The following SDK1 variants were observed in gnomAD, a reference collection of about 807,000 sequenced individuals.
The protein encoded by SDK1 is protein sidekick-1.
A neutral mutation model predicts 245.5 loss-of-function variants in SDK1; 157 were observed. The ratio of observed to expected loss-of-function variants is 0.64; its 90% CI spans 0.56 to 0.73. The LOEUF is 0.73. SDK1 is among the 30% of genes least tolerant of loss of function. SDK1 has a pLI of 0.00. For missense variants in SDK1, 3,583 were observed against 3,002.3 expected (o/e 1.19, Z -4.52); for synonymous variants, 1,647 against 1,278.5 (o/e 1.29, Z -6.15).
intron 4 of SDK1, among the ~76,000 whole-genome samples, chr7:3,731,753 A>G (rs1779183995): frequency 1.3e-5 from 2 of 152,154 alleles, no homozygotes; most frequent in Admixed American, 1.3e-4. Context: ...GGAGAAAAAA[A>G]TTCTCCATGG....
intron 1 of SDK1, among the ~76,000 whole-genome samples, chr7:3,513,847 G>C (rs903506322): frequency 5.9e-5 from 9 of 152,044 alleles, no homozygotes; most frequent in African/African-American, 2.2e-4. Context: ...TGTGTACTCA[G>C]TATCTAGCTC....
rs542086372 is a variant in SDK1, at chr7:3,440,828, G to C, written c.298+138944G>C. Among the ~76,000 whole-genome samples the C allele has an allele frequency of 9.8e-5, 15 of 152,286 alleles. No homozygotes were observed. The South Asian group carries it at 1.2e-3, about 13-fold the overall frequency. The stretch of plus-strand genomic sequence containing the variant: ...GTTATGGCCACAATGTGTATTAAGT[G>C]CTTAGTTAAGGTGGAAAGGTAAATT... On this transcript the variant is annotated intron_variant, in intron 1 of 44. Coordinates refer to ENST00000404826, the MANE Select transcript of SDK1 (RefSeq NM_152744.4).
intron 1 of SDK1, among the ~76,000 whole-genome samples, chr7:3,504,180 A>ATGTGTG (rs1338465819): frequency 4.7e-3 from 423 of 89,472 alleles, no homozygotes; most frequent in Middle Eastern, 0.023. Context: ...ATATATATAT[A>ATGTGTG]TATGTGTGTG....
chr7:3,768,464 A>G (rs1180791449), intron 4 of SDK1, among the ~76,000 whole-genome samples: 2 of 152,248 alleles, frequency 1.3e-5, no homozygotes, highest in Non-Finnish European at 2.9e-5. Context: ...CATTAAATAG[A>G]CAAGTCTTTA....
chr7:4,038,964 C>G (rs1788406235), intron 17 of SDK1, among the ~76,000 whole-genome samples: 1 of 152,134 alleles, frequency 6.6e-6, no homozygotes, highest in African/African-American at 2.4e-5. Context: ...AATTTGAGAT[C>G]ATTTTCATTA....
chr7:3,784,803 A>C lies in SDK1; in HGVS notation c.714-36647A>C, dbSNP rs1216723243. Among the ~76,000 whole-genome samples, 7 of 152,048 alleles carry C rather than the reference A, an allele frequency of 4.6e-5. No homozygotes were observed. The East Asian group carries it at 1.2e-3, about 25-fold the overall frequency. ...GTGGAAAACTATGTGGAGATTCCTC[A>C]AAAAAAATGAGAAATAGAACTGCCA... On this transcript the variant is annotated intron_variant, in intron 4 of 44. Transcript: ENST00000404826.
intron 25 of SDK1, among the ~76,000 whole-genome samples, chr7:4,119,827 T>TA (rs1562838729): frequency 6.7e-6 from 1 of 148,678 alleles, no homozygotes; most frequent in Non-Finnish European, 1.5e-5. Flanking sequence ...TGACCAGTTT[T>TA]AAAAAAAGAG....
At chr7:3,985,099 C>T (rs1583729452) in intron 13 of SDK1, among the ~76,000 whole-genome samples, 1 of 152,196 alleles carries the variant, frequency 6.6e-6, no homozygotes, top group Admixed American at 6.5e-5. Context: ...CTCTTATCCC[C>T]ATGACTGGCC....
At chr7:3,316,816 G>T (rs1423517591) in intron 1 of SDK1, among the ~76,000 whole-genome samples, 1 of 152,042 alleles carries the variant, frequency 6.6e-6, no homozygotes, top group South Asian at 2.1e-4. Flanking sequence ...GTTTTCAATT[G>T]TATCCCCCTT....
rs536538842 is a variant in SDK1 at position 3,555,794 on chromosome 7, C to T, written c.299-63286C>T. Among the ~76,000 whole-genome samples the T allele has an allele frequency of 7.0e-4, 106 of 152,182 alleles. 3 individuals are homozygous for T. In the South Asian group the frequency reaches 0.022, roughly 31 times the overall value. On this transcript the variant is annotated intron_variant, in intron 1 of 44. Transcript: ENST00000404826. ...TAGATATTTTGCAAAAGAAGACATA[C>T]AAATGGCAAACAGGTGTATTAAACG...
At chr7:4,130,408 C>T (rs1371856718) in intron 27 of SDK1, 3 of 365,006 alleles carry the variant, frequency 8.2e-6, no homozygotes, top group Admixed American at 8.9e-5. Flanking sequence ...TGTGGACGCT[C>T]CTCTTGGCAG....
At chr7:3,653,807 G>C (rs1017562457) in intron 4 of SDK1, among the ~76,000 whole-genome samples, 1 of 152,090 alleles carries the variant, frequency 6.6e-6, no homozygotes, top group Non-Finnish European at 1.5e-5. Context: ...TTGGCTGCAG[G>C]ACCTTGCAGC....
At chr7:4,135,568 C>T (rs937480645) in intron 28 of SDK1, among the ~76,000 whole-genome samples, 1 of 152,208 alleles carries the variant, frequency 6.6e-6, no homozygotes, top group African/African-American at 2.4e-5. Flanking sequence ...CACTGCATCA[C>T]GGACAAGTAG....
chr7:3,624,912 G>A (rs1220603165), intron 2 of SDK1, among the ~76,000 whole-genome samples: 2 of 151,948 alleles, frequency 1.3e-5, no homozygotes, highest in African/African-American at 4.8e-5. Flanking sequence ...GGTTGTCGTG[G>A]TGCATGCCTG....
chr7:4,206,838 G>C (rs957924626), intron 36 of SDK1, among the ~76,000 whole-genome samples: 1 of 152,150 alleles, frequency 6.6e-6, no homozygotes, highest in Non-Finnish European at 1.5e-5. Flanking sequence ...CTCCCCTAAT[G>C]ACTATTGGAC....
At chr7:3,406,743 G>C (rs1471007568) in intron 1 of SDK1, among the ~76,000 whole-genome samples, 1 of 152,094 alleles carries the variant, frequency 6.6e-6, no homozygotes, top group African/African-American at 2.4e-5. Context: ...GCTGGAGAAA[G>C]CATGCACAAT....
Position 3,477,247 on chromosome 7 carries a change from G to C in SDK1, c.299-141833G>C, listed in dbSNP as rs780429217. Reference sequence around the variant, plus strand: ...GTCTTGCTCTGTCGCTCAGGCTGGAGTGCAGCGGCGCGATCTTGGCTCAGT... The same window carrying C: ...GTCTTGCTCTGTCGCTCAGGCTGGACTGCAGCGGCGCGATCTTGGCTCAGT... On this transcript the variant is annotated intron_variant, in intron 1 of 44. Coordinates refer to ENST00000404826, the MANE Select transcript of SDK1 (RefSeq NM_152744.4). Among the ~76,000 whole-genome samples, 74 of 136,434 alleles carry C rather than the reference G, an allele frequency of 5.4e-4. 1 individual carries two copies. The highest frequency in any genetic ancestry group is 9.6e-4 in the Non-Finnish European group (63 of 65,476). The allele number at this position is 136,434 out of a possible 152,430, so 89.5% of individuals were successfully genotyped here.
chr7:4,012,093 A>G lies in SDK1; in HGVS notation c.2280-2A>G. The G allele has an allele frequency of 6.6e-7, 1 of 1,525,368 alleles. No homozygotes were observed. The highest frequency in any genetic ancestry group is 8.8e-7 in the Non-Finnish European group (1 of 1,140,544). 94.5% of individuals were successfully genotyped at this position (1,525,368 alleles called of 1,614,324 possible). Reference sequence around the variant, plus strand: ...TTGTTCCTACCCGTCTTTTATTTATAGGTTGATGCTACCTGAAGAACCACC... The same window carrying G: ...TTGTTCCTACCCGTCTTTTATTTATGGGTTGATGCTACCTGAAGAACCACC... On this transcript the variant is annotated splice_acceptor_variant, in intron 15 of 44. Coordinates refer to ENST00000404826, the MANE Select transcript of SDK1 (RefSeq NM_152744.4). LOFTEE classifies it high-confidence loss of function.
intron 2 of SDK1, among the ~76,000 whole-genome samples, chr7:3,620,756 A>G (rs1012058445): frequency 6.6e-6 from 1 of 151,714 alleles, no homozygotes; most frequent in African/African-American, 2.4e-5. Context: ...AGGCATGGAC[A>G]CTCCCTGGTT....
Sources: allele counts gnomAD v4.1 joint callset (sites outside exome capture counted in the v4.1 genomes callset), GRCh38; gene constraint gnomAD v4.1.1; transcripts MANE v1.5; gene names NCBI Gene and HGNC (gene_info 2026-07-23, HGNC 2026-07-21).